The following MUC3A variants were observed in gnomAD, a reference collection of about 807,000 sequenced individuals.
The protein encoded by MUC3A is mucin-3A.
In MUC3A, 109 loss-of-function variants were observed where a neutral mutation model predicts 109.0. That is an observed-to-expected ratio of 1.00 (90% CI 0.86 to 1.17). MUC3A has a LOEUF of 1.17. MUC3A is among the 50% of genes most tolerant of loss of function. The probability of loss-of-function intolerance (pLI) is 0.00; values close to 1 mark genes in which losing one functional copy is unlikely to be tolerated. For synonymous variants in MUC3A, 1,398 were observed against 981.4 expected (o/e 1.42, Z -7.93); for missense variants, 3,537 against 2,469.4 (o/e 1.43, Z -9.16).
In MUC3A at chr7:100,952,840, C is replaced by T. The variant is rs1188703618; in HGVS notation, c.1061C>T (p.Ser354Phe). ...VTDSTTKIAY[S>F]TSMTGTLSTE... The stretch of plus-strand genomic sequence containing the variant: ...GACTCCACTACCAAAATCGCCTACT[C>T]CACAAGTATGACAGGTACATTGTCC... The change falls in exon 2 of 12, where the codon TCC becomes TTC. Residue 354 changes from serine to phenylalanine, a missense_variant. Ser to Phe is a radical substitution (Grantham distance 155). Coordinates refer to ENST00000379458, the MANE Select transcript of MUC3A (RefSeq NM_005960.2). The T allele has an allele frequency of 7.2e-6, 11 of 1,534,790 alleles. No individual in the cohort carries two copies. The highest frequency in any genetic ancestry group is 9.6e-6 in the Non-Finnish European group (11 of 1,145,970).
chr7:100,959,592 G>T lies in MUC3A; in HGVS notation c.7813G>T (p.Asp2605Tyr), dbSNP rs762338382. 1 of 1,596,958 alleles carries T rather than the reference G, an allele frequency of 6.3e-7. No homozygotes were observed. The highest frequency in any genetic ancestry group is 8.5e-7 in the Non-Finnish European group (1 of 1,178,990). ...TACTACTGTCACCTTTGGAAGTACGGATTCCTCCACGTCCACTCTTCATAC... is the reference window on the plus strand; with the variant it reads ...TACTACTGTCACCTTTGGAAGTACGTATTCCTCCACGTCCACTCTTCATAC... ...APTTVTFGST[D>Y]SSTSTLHTLT... is the part of the protein sequence containing the mutation. Residue 2605 changes from aspartate (D) to tyrosine (Y), a missense_variant, in exon 2 of 12, where the codon GAT (aspartate) becomes TAT (tyrosine). Transcript: ENST00000379458.
chr7:100,959,457 A>G lies in MUC3A; in HGVS notation c.7678A>G (p.Asn2560Asp). Residue 2560 changes from asparagine (N) to aspartate (D), a missense_variant, in exon 2 of 12, where the codon AAC becomes GAC. Transcript: ENST00000379458. ...TVRMTLRITE[N>D]TPISSFSTSI... ...GAGAATGACCCTCAGAATTACTGAGAACACCCCAATCAGTTCCTTTAGCAC... is the reference window on the plus strand; with the variant it reads ...GAGAATGACCCTCAGAATTACTGAGGACACCCCAATCAGTTCCTTTAGCAC... 6.4e-7 allele frequency: 1 copy of G among 1,565,600 alleles called. No individual in the cohort carries two copies. Among genetic ancestry groups the G allele is most frequent in the Non-Finnish European group, 8.6e-7 (1 of 1,165,904 alleles).
Position 100,949,628 on chromosome 7 carries a change from C to G in MUC3A, c.4C>G (p.Gln2Glu). M[Q>E]LLGLLGLLWM... is the part of the protein sequence containing the mutation. The stretch of plus-strand genomic sequence containing the variant: ...CAGCCCCCTGCCCGCTGGGCCCATG[C>G]AGCTGTTGGGGCTCCTCGGCCTCCT... The change falls in exon 1 of 12, where the codon CAG becomes GAG. Residue 2 changes from glutamine to glutamate, a missense_variant. Transcript: ENST00000379458. 6 of 1,553,374 alleles carry G rather than the reference C, an allele frequency of 3.9e-6. No individual in the cohort carries two copies. The highest frequency in any genetic ancestry group is 4.3e-6 in the Non-Finnish European group (5 of 1,156,890).
In MUC3A at chr7:100,952,392, C is replaced by CGCT. The variant is rs1554452870; in HGVS notation, c.613_614insGCT (p.Pro205delinsArgSer). The CGCT allele has an allele frequency of 9.8e-5, 157 of 1,597,258 alleles. No individual in the cohort carries two copies. In the East Asian group the frequency reaches 2.8e-3, roughly 28 times the overall value. On this transcript the variant is annotated protein_altering_variant, in exon 2 of 12. Transcript: ENST00000379458. ...GGAAACTCCCATAGTGACAGTGACACCCTCCTCTGTGTCAGCCACAGACAC... is the reference window on the plus strand; with the variant it reads ...GGAAACTCCCATAGTGACAGTGACACGCTCCTCCTCTGTGTCAGCCACAGACAC...
intron 3 of MUC3A, among the ~76,000 whole-genome samples, chr7:100,962,787 C>T (rs1025648150): frequency 1.8e-4 from 21 of 119,422 alleles, no homozygotes; most frequent in Non-Finnish European, 3.8e-4. Flanking sequence ...CTTTCTTTCT[C>T]TTTCTTTCTT....
At chr7:100,965,927 C>G (rs1584813136) in intron 8 of MUC3A, 61 bp downstream of exon 8, 3 of 1,527,830 alleles carry the variant, frequency 2.0e-6, no homozygotes, top group East Asian at 4.6e-5. Context: ...AGGATGAAGC[C>G]CTGCCCCATG....
intron 6 of MUC3A, 33 bp downstream of exon 6, chr7:100,964,876 TG>T: frequency 6.3e-7 from 1 of 1,577,496 alleles, no homozygotes; most frequent in South Asian, 1.1e-5. Context: ...GGCCAGGGCC[TG>T]AGGTGTCACC....
At position 100,957,791 on chromosome 7, in the gene MUC3A, C is replaced by A; in HGVS notation, c.6012C>A (p.His2004Gln). ...TCACCACAACCACCACCACCTCACA[C>A]AGTACTCCCAGCTTCACTTCTTCCA... ...SLITTTTTTS[H>Q]STPSFTSSIT... The change falls in exon 2 of 12, where the codon CAC (histidine) becomes CAA (glutamine). Residue 2004 changes from histidine to glutamine, a missense_variant. His to Gln is a conservative substitution (Grantham distance 24, BLOSUM62 0). Transcript: ENST00000379458. 2.6e-6 allele frequency: 3 copies of A among 1,152,098 alleles called. No homozygotes were observed. The highest frequency in any genetic ancestry group is 3.8e-6 in the Non-Finnish European group (3 of 782,250). The allele number at this position is 1,152,098 out of a possible 1,614,324, so 71.4% of individuals were successfully genotyped here.
At chr7:100,964,227 A>T in intron 5 of MUC3A, 1 of 205,794 alleles carries the variant, frequency 4.9e-6, no homozygotes, top group Non-Finnish European at 9.8e-6. Context: ...ACCTGAAAGC[A>T]GTTCAAGACC....
chr7:100,960,565 C>A lies in MUC3A; in HGVS notation c.8786C>A (p.Thr2929Asn). ...TSETPVATTQTPTTLTSRRTT... is the reference protein window; with the variant it reads ...TSETPVATTQNPTTLTSRRTT... ...GAGACACCAGTGGCCACTACCCAGA[C>A]TCCTACCACCCTTACATCACGCAGG... The change falls in exon 2 of 12, where the codon ACT becomes AAT. Residue 2929 changes from threonine (T) to asparagine (N), a missense_variant. By Grantham distance (65) the Thr-to-Asn change is moderately conservative. Transcript: ENST00000379458. The A allele has an allele frequency of 6.3e-7, 1 of 1,598,738 alleles. No individual in the cohort carries two copies. The highest frequency in any genetic ancestry group is 8.5e-7 in the Non-Finnish European group (1 of 1,179,818).
At chr7:100,961,077 C>G in intron 3 of MUC3A, 140 bp downstream of exon 3, 7 of 1,528,700 alleles carry the variant, frequency 4.6e-6, no homozygotes, top group East Asian at 2.4e-5. Flanking sequence ...CTCCCATGCC[C>G]TCCGCTGCCC....
At position 100,955,573 on chromosome 7, in the gene MUC3A, C is replaced by T. The variant is rs1251886621; in HGVS notation, c.3794C>T (p.Thr1265Ile). The T allele has an allele frequency of 5.3e-6, 2 of 379,914 alleles. No homozygotes were observed. Among genetic ancestry groups the T allele is most frequent in the African/African-American group, 4.8e-5 (2 of 41,250 alleles). 23.5% of individuals were successfully genotyped at this position (379,914 alleles called of 1,614,324 possible). Residue 1265 changes from threonine (T) to isoleucine (I), a missense_variant, in exon 2 of 12, where the codon ACT (threonine) becomes ATT (isoleucine). Coordinates refer to ENST00000379458, the MANE Select transcript of MUC3A (RefSeq NM_005960.2). ...TSATTPSLRP[T>I]ITSTDSTLTS... ...GCCACCACTCCCAGTTTGAGACCAA[C>T]TATCACAAGTACTGACAGCACTCTA...
Position 100,965,599 on chromosome 7 carries a change from C to T in MUC3A, c.9449-105C>T, listed in dbSNP as rs1210946834. 1.1e-5 allele frequency: 16 copies of T among 1,520,130 alleles called. No homozygotes were observed. The Admixed American group carries it at 1.6e-4, about 15-fold the overall frequency. 94.2% of individuals were successfully genotyped at this position (1,520,130 alleles called of 1,614,324 possible). On this transcript the variant is annotated intron_variant, in intron 7 of 11. Coordinates refer to ENST00000379458, the MANE Select transcript of MUC3A (RefSeq NM_005960.2). ...GGGTCTACCCCACAGCATCCCACCT[C>T]GGAAATGGAATCCTCCTCGCGCATA...
In MUC3A at chr7:100,964,687, C is replaced by T. The variant is rs1416296905; in HGVS notation, c.9234-8C>T. ...CTGGGGCACTCTCTAAGGCTGTGGA[C>T]CCCTCAGGAATGGCAGCATCGTGGT... On this transcript the variant is annotated splice_polypyrimidine_tract_variant and splice_region_variant and intron_variant, in intron 5 of 11. Coordinates refer to ENST00000379458, the MANE Select transcript of MUC3A (RefSeq NM_005960.2). 1.9e-6 allele frequency: 3 copies of T among 1,597,480 alleles called. No homozygotes were observed. The East Asian group carries it at 6.7e-5, about 36-fold the overall frequency.
chr7:100,959,002 G>C lies in MUC3A; in HGVS notation c.7223G>C (p.Gly2408Ala), dbSNP rs532326833. Residue 2408 changes from glycine (G) to alanine (A), a missense_variant, in exon 2 of 12, where the codon GGC becomes GCC. Coordinates refer to ENST00000379458, the MANE Select transcript of MUC3A (RefSeq NM_005960.2). ...TTKTTSHITPGLTSSITTTET... is the reference protein window; with the variant it reads ...TTKTTSHITPALTSSITTTET... The stretch of plus-strand genomic sequence containing the variant: ...AAGACCACCTCACACATTACTCCTG[G>C]CCTCACTTCTTCAATCACCACCACT... 6.8e-7 allele frequency: 1 copy of C among 1,466,524 alleles called. No individual in the cohort carries two copies. Among genetic ancestry groups the C allele is most frequent in the Non-Finnish European group, 9.0e-7 (1 of 1,116,946 alleles). 90.8% of individuals were successfully genotyped at this position (1,466,524 alleles called of 1,614,324 possible). A position where few individuals can be genotyped will look rare whatever the true frequency, so the allele number is the denominator to read the frequency against.
rs1168602160 is a variant in MUC3A at position 100,959,430 on chromosome 7, G to C, written c.7651G>C (p.Val2551Leu). The change falls in exon 2 of 12, where the codon GTG becomes CTG. Residue 2551 changes from valine to leucine, a missense_variant. Transcript: ENST00000379458. The stretch of plus-strand genomic sequence containing the variant: ...CACCACCTCTCCCACCATGTCCACT[G>C]TGAGAATGACCCTCAGAATTACTGA... ...VGTTSPTMSTVRMTLRITENT... is the reference protein window; with the variant it reads ...VGTTSPTMSTLRMTLRITENT... The C allele has an allele frequency of 7.1e-6, 11 of 1,542,092 alleles. No homozygotes were observed. The highest frequency in any genetic ancestry group is 2.0e-5 in the Admixed American group (1 of 51,154).
rs1432366451 is a variant in MUC3A at position 100,952,593 on chromosome 7, A to G, written c.814A>G (p.Met272Val). The change falls in exon 2 of 12, where the codon ATG becomes GTG. Residue 272 changes from methionine (M) to valine (V), a missense_variant. Physicochemically the swap from Met to Val is conservative, Grantham distance 21. Transcript: ENST00000379458. Reference protein sequence around the residue: ...SITSTNTVTSMTTTASQPTAT... With the variant: ...SITSTNTVTSVTTTASQPTAT... ...CACTTCCACAAATACAGTGACTTCT[A>G]TGACAACGACCGCCTCCCAGCCCAC... 2.5e-6 allele frequency: 4 copies of G among 1,598,510 alleles called. No individual in the cohort carries two copies. Among genetic ancestry groups the G allele is most frequent in the Admixed American group, 3.3e-5 (2 of 60,032 alleles).
At position 100,952,946 on chromosome 7, in the gene MUC3A, C is replaced by T; in HGVS notation, c.1167C>T (p.Thr389=). The change falls in exon 2 of 12, where the codon ACC becomes ACT. Residue 389 remains threonine, a synonymous_variant. Transcript: ENST00000379458. The stretch of plus-strand genomic sequence containing the variant: ...CGACTCCTATGACAAACTTGGTAAC[C>T]ACCACCACTGAGATCTCCTCCCACA... ...TATTPMTNLV[T]TTTEISSHST... 2 of 1,366,234 alleles carry T rather than the reference C, an allele frequency of 1.5e-6. No homozygotes were observed. Among genetic ancestry groups the T allele is most frequent in the Admixed American group, 2.6e-5 (1 of 38,000 alleles). 84.6% of individuals were successfully genotyped at this position (1,366,234 alleles called of 1,614,324 possible).
At position 100,959,444 on chromosome 7, in the gene MUC3A, CA is replaced by C. The variant is rs747557702; in HGVS notation, c.7666del (p.Arg2556GlufsTer29). The C allele has an allele frequency of 6.6e-5, 103 of 1,549,846 alleles. No individual in the cohort carries two copies. Among genetic ancestry groups the C allele is most frequent in the Non-Finnish European group, 8.0e-5 (93 of 1,158,538 alleles). On this transcript the variant is annotated frameshift_variant, in exon 2 of 12. Transcript: ENST00000379458. LOFTEE classifies it high-confidence loss of function. The part of the protein sequence containing the change: ...PTMSTVRMTL[R>X]ITENTPISSF... ...CCATGTCCACTGTGAGAATGACCCT[CA>C]GAATTACTGAGAACACCCCAATCAG...
Sources: gnomAD v4.1 joint callset for allele counts (sites outside exome capture counted in the v4.1 genomes callset) on GRCh38, gnomAD v4.1.1 for gene constraint, MANE v1.5 for transcripts, NCBI Gene and HGNC (gene_info 2026-07-23, HGNC 2026-07-21) for gene names.